Variants in IKBKB observed in about 807,000 individuals in gnomAD.
The protein encoded by IKBKB is inhibitor of nuclear factor kappa B kinase subunit beta, also known as inhibitor of nuclear factor kappa-B kinase subunit beta.
Under a neutral mutation model 113.6 loss-of-function variants are expected in IKBKB, and 42 were observed. The ratio of observed to expected loss-of-function variants is 0.37; its 90% CI spans 0.29 to 0.48. IKBKB has a LOEUF of 0.48. Ranked by LOEUF, IKBKB falls within the 20% of genes least tolerant of loss-of-function variation. IKBKB has a pLI of 0.99. For synonymous variants in IKBKB, 296 were observed against 361.3 expected (o/e 0.82, Z 2.05); for missense variants, 673 against 939.7 (o/e 0.72, Z 3.71).
chr8:42,307,132 A>T (rs1816694067), intron 7 of IKBKB, among the ~76,000 whole-genome samples: 1 of 152,166 alleles, frequency 6.6e-6, no homozygotes, highest in African/African-American at 2.4e-5. Flanking sequence ...AGGGTGTTGC[A>T]AGAATATATA....
chr8:42,280,483 G>A (rs1426647024), intron 2 of IKBKB, among the ~76,000 whole-genome samples: 2 of 152,194 alleles, frequency 1.3e-5, no homozygotes, highest in East Asian at 1.9e-4. Flanking sequence ...GGGAGTGGGG[G>A]CGGGAAACAC....
At position 42,316,625 on chromosome 8, in the gene IKBKB, G is replaced by C; in HGVS notation, c.931-85G>C. The C allele has an allele frequency of 7.8e-7, 1 of 1,286,864 alleles. No individual in the cohort carries two copies. Among genetic ancestry groups the C allele is most frequent in the Non-Finnish European group, 1.1e-6 (1 of 929,556 alleles). 79.7% of individuals were successfully genotyped at this position (1,286,864 alleles called of 1,614,324 possible). Reference sequence around the variant, plus strand: ...GCTTTGTGTGGTTGGGAAATGTTGGGAGTAGCAGAGAGAGGACCTAGGCAA... The same window carrying C: ...GCTTTGTGTGGTTGGGAAATGTTGGCAGTAGCAGAGAGAGGACCTAGGCAA... On this transcript the variant is annotated intron_variant, in intron 10 of 21. Transcript: ENST00000520810. The surrounding 1 kb of genome is among the most constrained non-coding windows in gnomAD (Gnocchi z 4.5).
chr8:42,271,523 C>A lies in IKBKB; in HGVS notation c.-19+54C>A. 3 of 636,592 alleles carry A rather than the reference C, an allele frequency of 4.7e-6. No homozygotes were observed. The South Asian group carries it at 6.0e-5, about 13-fold the overall frequency. The allele number at this position is 636,592 out of a possible 1,614,324, so 39.4% of individuals were successfully genotyped here. ...GTGCCACCTGCAGGCCCCGCCGCCC[C>A]GCTGCCTGCAAGGCCCGGAAGACCC... On this transcript the variant is annotated intron_variant, in intron 1 of 21. Transcript: ENST00000520810.
rs751083028 is a variant in IKBKB, at chr8:42,272,097, C to G, written c.-4C>G. 3 of 1,613,778 alleles carry G rather than the reference C, an allele frequency of 1.9e-6. No individual in the cohort carries two copies. Among genetic ancestry groups the G allele is most frequent in the Non-Finnish European group, 2.5e-6 (3 of 1,179,858 alleles). The stretch of plus-strand genomic sequence containing the variant: ...ATTGCTTATAGAGTTAGCACGACAT[C>G]AGTATGAGCTGGTCACCTTCCCTGA... On this transcript the variant is annotated 5_prime_UTR_variant, in exon 2 of 22. The change creates a new upstream start codon in the 5' untranslated region. Transcript: ENST00000520810.
At chr8:42,284,610 A>G (rs1282911240) in intron 2 of IKBKB, among the ~76,000 whole-genome samples, 1 of 151,834 alleles carries the variant, frequency 6.6e-6, no homozygotes, top group Non-Finnish European at 1.5e-5. Flanking sequence ...CCGAGGTGAT[A>G]CTGCTACAAC....
Position 42,271,439 on chromosome 8 carries a change from C to T in IKBKB, c.-49C>T, listed in dbSNP as rs1195641956. On this transcript the variant is annotated 5_prime_UTR_variant, in exon 1 of 22. Coordinates refer to ENST00000520810, the MANE Select transcript of IKBKB (RefSeq NM_001556.3). ...GCCCCGCCTTCCCCGCCCCGGGGAGCCCGCCCCCTGCCCCGCGTCCCTGCC... is the reference window on the plus strand; with the variant it reads ...GCCCCGCCTTCCCCGCCCCGGGGAGTCCGCCCCCTGCCCCGCGTCCCTGCC... 4.2e-6 allele frequency: 6 copies of T among 1,425,574 alleles called. No homozygotes were observed. In the East Asian group the frequency reaches 1.5e-4, roughly 36 times the overall value. 88.3% of individuals were successfully genotyped at this position (1,425,574 alleles called of 1,614,324 possible). A position where few individuals can be genotyped will look rare whatever the true frequency, so the allele number is the denominator to read the frequency against.
intron 15 of IKBKB, chr8:42,319,940 G>C (rs1819452886): frequency 2.9e-6 from 1 of 349,980 alleles, no homozygotes; most frequent in Non-Finnish European, 5.1e-6. Context: ...CTGTTAGGAA[G>C]GGCATTGGAT....
In IKBKB at chr8:42,271,464, C is replaced by A; in HGVS notation, c.-24C>A. 1 of 1,304,030 alleles carries A rather than the reference C, an allele frequency of 7.7e-7. No individual in the cohort carries two copies. The highest frequency in any genetic ancestry group is 1.1e-6 in the Non-Finnish European group (1 of 944,338). 80.8% of individuals were successfully genotyped at this position (1,304,030 alleles called of 1,614,324 possible). ...CCCGCCCCCTGCCCCGCGTCCCTGC[C>A]GACAGGTGAGTCCCCCTCGTGGGTG... is the stretch of plus-strand genomic sequence containing the variant. On this transcript the variant is annotated 5_prime_UTR_variant, in exon 1 of 22. Transcript: ENST00000520810.
chr8:42,325,722 T>A, intron 19 of IKBKB: 1 of 1,273,760 alleles, frequency 7.9e-7, no homozygotes, highest in Non-Finnish European at 9.9e-7. Flanking sequence ...GCCTGCAAAT[T>A]AATGTAGGCA....
chr8:42,308,920 A>G lies in IKBKB; in HGVS notation c.587A>G (p.Gln196Arg). Reference sequence around the variant, plus strand: ...CTGCAGGCCCCAGAGCTACTGGAGCAGCAGAAGTACACAGTGACCGTCGAC... The same window carrying G: ...CTGCAGGCCCCAGAGCTACTGGAGCGGCAGAAGTACACAGTGACCGTCGAC... ...LQYLAPELLE[Q>R]QKYTVTVDYW... The change falls in exon 8 of 22, where the codon CAG becomes CGG. Residue 196 changes from glutamine (Q) to arginine (R), a missense_variant. Gln to Arg is a conservative substitution (Grantham distance 43). Around this residue, in one of 2 missense-constraint regions of IKBKB, gnomAD observed 167 missense variants for 301.0 expected, o/e 0.55. Transcript: ENST00000520810. The G allele has an allele frequency of 6.2e-7, 1 of 1,614,176 alleles. No homozygotes were observed. The highest frequency in any genetic ancestry group is 2.2e-5 in the East Asian group (1 of 44,888).
At chr8:42,330,807 T>C in intron 21 of IKBKB, 107 bp from the exon 22 acceptor site, 1 of 1,571,552 alleles carries the variant, frequency 6.4e-7, no homozygotes, top group South Asian at 1.2e-5. Flanking sequence ...TGTGCCTGGC[T>C]GGGTTTTAGT....
intron 2 of IKBKB, among the ~76,000 whole-genome samples, chr8:42,274,328 C>A (rs1460325633): frequency 1.3e-5 from 2 of 152,130 alleles, no homozygotes; most frequent in East Asian, 3.9e-4. Flanking sequence ...CTACGTCCGG[C>A]CTGAAATATA....
chr8:42,290,768 G>A (rs1052649309), intron 4 of IKBKB, among the ~76,000 whole-genome samples: 3 of 152,096 alleles, frequency 2.0e-5, no homozygotes, highest in African/African-American at 4.8e-5. Context: ...CTGCAGACCC[G>A]CCCCAATCCA....
At chr8:42,291,330 C>T (rs1286526402) in intron 4 of IKBKB, among the ~76,000 whole-genome samples, 7 of 152,174 alleles carry the variant, frequency 4.6e-5, no homozygotes, top group African/African-American at 1.7e-4. Flanking sequence ...TATAGGCGCC[C>T]GCCCCCACGC....
chr8:42,320,431 A>G (rs1484449932), intron 15 of IKBKB: 1 of 295,662 alleles, frequency 3.4e-6, no homozygotes, highest in Non-Finnish European at 6.4e-6. Flanking sequence ...GCCAGGCACC[A>G]TGCCAGAGGC....
intron 8 of IKBKB, among the ~76,000 whole-genome samples, chr8:42,311,130 T>C (rs1038502578): frequency 6.6e-6 from 1 of 152,228 alleles, no homozygotes; most frequent in African/African-American, 2.4e-5. Flanking sequence ...TAAATACACG[T>C]CTCCACCTGG....
At chr8:42,327,380 C>A (rs1820965415) in intron 20 of IKBKB, among the ~76,000 whole-genome samples, 2 of 136,184 alleles carry the variant, frequency 1.5e-5, no homozygotes, top group Admixed American at 1.8e-4. Context: ...GTTGCCCAGG[C>A]TGGAGTGCAG....
Position 42,320,817 on chromosome 8 carries a change from G to A in IKBKB, c.1661G>A (p.Arg554Gln), listed in dbSNP as rs751295594. 1.1e-5 allele frequency: 18 copies of A among 1,602,532 alleles called. No homozygotes were observed. Among genetic ancestry groups the A allele is most frequent in the Middle Eastern group, 1.7e-4 (1 of 6,016 alleles). ...GACTTACAGAGGAGCCCCATGGGCC[G>A]GAAGCAGGGGGGAACGCTGGACGAC... is the stretch of plus-strand genomic sequence containing the variant. ...IVDLQRSPMG[R>Q]KQGGTLDDLE... The change falls in exon 16 of 22, where the codon CGG becomes CAG. Residue 554 changes from arginine to glutamine, a missense_variant. Arg to Gln is a conservative substitution (Grantham distance 43). Around this residue, in one of 2 missense-constraint regions of IKBKB, gnomAD observed 506 missense variants for 638.7 expected, o/e 0.79. Coordinates refer to ENST00000520810, the MANE Select transcript of IKBKB (RefSeq NM_001556.3).
chr8:42,326,406 C>T, intron 20 of IKBKB: 1 of 309,380 alleles, frequency 3.2e-6, no homozygotes, highest in South Asian at 3.4e-5. Context: ...TTCAGGGAGG[C>T]CCTGAAGCCC....
Sources: gnomAD v4.1 joint callset for allele counts (sites outside exome capture counted in the v4.1 genomes callset) on GRCh38, gnomAD v4.1.1 for gene constraint, gnomAD v4.1.1 regional missense constraint, Gnocchi (gnomAD v3.1) non-coding constraint, MANE v1.5 for transcripts, NCBI Gene and HGNC (gene_info 2026-07-23, HGNC 2026-07-21) for gene names.